The following HDAC9 variants were observed in gnomAD, a reference collection of about 807,000 sequenced individuals.
HDAC9 encodes the protein MEF-2 interacting transcription repressor (MITR) protein.
Under a neutral mutation model 139.4 loss-of-function variants are expected in HDAC9, and 41 were observed. The observed-to-expected ratio is 0.29, with a 90% CI of 0.23 to 0.38. The LOEUF (loss-of-function observed/expected upper bound fraction) is 0.38, where lower values mean the gene tolerates loss of function less well. Among genes scored for constraint, HDAC9 ranks in the 10% least tolerant of loss-of-function variants. The pLI is 1.00. For missense variants in HDAC9, 1,147 were observed against 1,297.0 expected, an observed-to-expected ratio of 0.88 and a Z score of 1.78; for synonymous variants, 517 against 476.2, an observed-to-expected ratio of 1.09 and a Z score of -1.12.
chr7:18,912,639 A>G (rs1378254606), intron 22 of HDAC9, among the ~76,000 whole-genome samples: 1 of 152,100 alleles, frequency 6.6e-6, no homozygotes, highest in Non-Finnish European at 1.5e-5. Context: ...AACATTCTAC[A>G]GTGCACTGGA....
chr7:18,680,706 G>T (rs555050435), intron 12 of HDAC9, among the ~76,000 whole-genome samples: 3 of 152,018 alleles, frequency 2.0e-5, no homozygotes, highest in Non-Finnish European at 4.4e-5. Flanking sequence ...GTGGCATATG[G>T]AAAAGCTGTT....
At chr7:18,909,690 G>A (rs1300352639) in intron 22 of HDAC9, among the ~76,000 whole-genome samples, 1 of 151,830 alleles carries the variant, frequency 6.6e-6, no homozygotes, top group African/African-American at 2.4e-5. Context: ...TCATTGCATG[G>A]ATATATTGCA....
intron 1 of HDAC9, among the ~76,000 whole-genome samples, chr7:18,142,864 G>A (rs1287027549): frequency 2.0e-5 from 3 of 152,146 alleles, no homozygotes; most frequent in African/African-American, 7.2e-5. Flanking sequence ...AGTGTGTGGC[G>A]TAAACCGATA....
chr7:18,919,378 G>C (rs117411386), intron 22 of HDAC9, among the ~76,000 whole-genome samples: 39 of 152,062 alleles, frequency 2.6e-4, no homozygotes, highest in Non-Finnish European at 4.9e-4. Flanking sequence ...GTGAGAGCCA[G>C]GACACAAGTC....
intron 1 of HDAC9, among the ~76,000 whole-genome samples, chr7:18,335,955 A>G (rs1294371382): frequency 1.3e-5 from 2 of 151,630 alleles, no homozygotes; most frequent in African/African-American, 4.8e-5. Flanking sequence ...TTGTCTTTTT[A>G]TTTATTTTAT....
At chr7:18,479,501 A>G (rs953958208) in intron 1 of HDAC9, among the ~76,000 whole-genome samples, 1 of 152,122 alleles carries the variant, frequency 6.6e-6, no homozygotes, top group Non-Finnish European at 1.5e-5. Context: ...CTAGTTGTCT[A>G]TATTTGAACC....
At chr7:18,276,211 C>A (rs1000781387) in intron 2 of HDAC9, among the ~76,000 whole-genome samples, 2 of 152,114 alleles carry the variant, frequency 1.3e-5, no homozygotes, top group African/African-American at 4.8e-5. Context: ...CATTTTTAAC[C>A]TGTATGAAAC....
chr7:18,667,802 T>C, intron 12 of HDAC9: 1 of 985,004 alleles, frequency 1.0e-6, no homozygotes, highest in Non-Finnish European at 1.2e-6. Flanking sequence ...GGGAAATTGT[T>C]ACGGAAGCTT....
chr7:18,590,570 C>A (rs142247447), intron 4 of HDAC9, 84 bp downstream of exon 4: 2 of 1,315,364 alleles, frequency 1.5e-6, no homozygotes, highest in Non-Finnish European at 2.1e-6. Flanking sequence ...ATAAAGAGTG[C>A]GGTTAGACTC....
chr7:18,889,074 C>G (rs1800435592), intron 22 of HDAC9, among the ~76,000 whole-genome samples: 1 of 152,188 alleles, frequency 6.6e-6, no homozygotes, highest in Non-Finnish European at 1.5e-5. Context: ...ACACCTCTTA[C>G]CACACGTGAT....
intron 2 of HDAC9, among the ~76,000 whole-genome samples, chr7:18,241,033 AATT>A (rs1449583817): frequency 6.6e-6 from 1 of 152,166 alleles, no homozygotes; most frequent in Non-Finnish European, 1.5e-5. Flanking sequence ...TGATCTCAGA[AATT>A]AGGAGATACC....
At chr7:18,546,641 G>T (rs1814933908) in intron 2 of HDAC9, among the ~76,000 whole-genome samples, 1 of 152,136 alleles carries the variant, frequency 6.6e-6, no homozygotes, top group Admixed American at 6.5e-5. Flanking sequence ...TGTTTGCTTT[G>T]TTGGTATTTT....
At chr7:18,801,016 A>G (rs1793244698) in intron 17 of HDAC9, among the ~76,000 whole-genome samples, 1 of 152,110 alleles carries the variant, frequency 6.6e-6, no homozygotes, top group Non-Finnish European at 1.5e-5. Context: ...ACTAGTAACA[A>G]TTTATAAGTC....
At chr7:18,794,261 C>A (rs568547841) in intron 17 of HDAC9, among the ~76,000 whole-genome samples, 1 of 152,068 alleles carries the variant, frequency 6.6e-6, no homozygotes, top group South Asian at 2.1e-4. Context: ...TTAGCAATTG[C>A]GGGGCTTAGG....
intron 1 of HDAC9, among the ~76,000 whole-genome samples, chr7:18,296,216 C>T (rs1299983447): frequency 3.3e-5 from 5 of 152,132 alleles, no homozygotes; most frequent in Non-Finnish European, 1.5e-5. Flanking sequence ...GTGCTCCACC[C>T]AGTGCATGTT....
At chr7:18,230,316 G>A (rs1381573861) in intron 2 of HDAC9, among the ~76,000 whole-genome samples, 1 of 152,182 alleles carries the variant, frequency 6.6e-6, no homozygotes, top group Non-Finnish European at 1.5e-5. Flanking sequence ...TTTCAAGTCA[G>A]CAACAGCAGA....
At chr7:18,242,032 A>G (rs1023209722) in intron 2 of HDAC9, among the ~76,000 whole-genome samples, 12 of 152,044 alleles carry the variant, frequency 7.9e-5, no homozygotes, top group African/African-American at 1.9e-4. Flanking sequence ...CTGGTTTCCA[A>G]CCACTAGGGT....
At chr7:18,265,272 G>A (rs1175786864) in intron 2 of HDAC9, among the ~76,000 whole-genome samples, 1 of 152,126 alleles carries the variant, frequency 6.6e-6, no homozygotes, top group East Asian at 1.9e-4. Flanking sequence ...AATCTTCATG[G>A]TAGTTGAAAG....
At chr7:18,766,427 G>A (rs943907795) in intron 15 of HDAC9, among the ~76,000 whole-genome samples, 56 of 152,162 alleles carry the variant, frequency 3.7e-4, no homozygotes, top group Middle Eastern at 6.8e-3. Flanking sequence ...TCAGTTTTGG[G>A]AATATATTTT....
Sources: gnomAD v4.1 joint callset for allele counts (sites outside exome capture counted in the v4.1 genomes callset) on GRCh38, gnomAD v4.1.1 for gene constraint, MANE v1.5 for transcripts, NCBI Gene and HGNC (gene_info 2026-07-23, HGNC 2026-07-21) for gene names.